The following PKIB variants were observed in gnomAD, a reference collection of about 807,000 sequenced individuals.
PKIB encodes the protein cAMP-dependent protein kinase inhibitor beta.
Under a neutral mutation model 4.5 loss-of-function variants are expected in PKIB, and 2 were observed. The ratio of observed to expected loss-of-function variants is 0.44; its 90% confidence interval spans 0.18 to 1.39. The LOEUF (loss-of-function observed/expected upper bound fraction) is 1.39, where lower values mean the gene tolerates loss of function less well. PKIB is among the 40% of genes most tolerant of loss of function. The pLI is 0.27. For missense variants in PKIB, 94 were observed against 92.6 expected (o/e 1.02, Z -0.06); for synonymous variants, 38 against 36.0 (o/e 1.06, Z -0.20).
At chr6:122,599,416 G>A (rs545532375) in intron 3 of PKIB, among the ~76,000 whole-genome samples, 37 of 152,282 alleles carry the variant, frequency 2.4e-4, no homozygotes, top group African/African-American at 7.7e-4. Context: ...CACCTGGTGA[G>A]GCTGTGCATG....
At position 122,561,988 on chromosome 6, in the gene PKIB, G is replaced by GTTTGTGTTTTTTTTT. The variant is rs1554220234; in HGVS notation, c.-247-23930_-247-23929insGTGTTTTTTTTTTTT. The stretch of plus-strand genomic sequence containing the variant: ...TTGCCTGCATAGTTTTTTTTTGTTT[G>GTTTGTGTTTTTTTTT]TTTTTGTTTTTTTTTGTTTTTTTTT... On this transcript the variant is annotated intron_variant, in intron 2 of 6. Coordinates refer to the PKIB transcript ENST00000392491. Among the ~76,000 whole-genome samples the GTTTGTGTTTTTTTTT allele has an allele frequency of 7.4e-4, 18 of 24,270 alleles. 2 individuals carry two copies. Among genetic ancestry groups the GTTTGTGTTTTTTTTT allele is most frequent in the East Asian group, 6.9e-3 (4 of 580 alleles). The allele number at this position is 24,270 out of a possible 152,430, so 15.9% of individuals were successfully genotyped here.
At chr6:122,512,754 T>G (rs564063676) in intron 2 of PKIB, among the ~76,000 whole-genome samples, 1 of 152,292 alleles carries the variant, frequency 6.6e-6, no homozygotes, top group East Asian at 1.9e-4. Context: ...CATTTAAAAT[T>G]AGAAAATGAA....
intron 2 of PKIB, among the ~76,000 whole-genome samples, chr6:122,534,723 C>T (rs1167753411): frequency 6.6e-6 from 1 of 152,100 alleles, no homozygotes; most frequent in Non-Finnish European, 1.5e-5. Flanking sequence ...CCACTGAGCT[C>T]AAGTGATCCT....
At chr6:122,520,981 C>T (rs566197442) in intron 2 of PKIB, among the ~76,000 whole-genome samples, 6 of 152,218 alleles carry the variant, frequency 3.9e-5, no homozygotes, top group African/African-American at 1.2e-4. Flanking sequence ...GTGAGTATGA[C>T]GGATGAGGCA....
chr6:122,719,993 C>A (rs948368712), intron 4 of PKIB, among the ~76,000 whole-genome samples: 5 of 152,072 alleles, frequency 3.3e-5, no homozygotes, highest in Non-Finnish European at 5.9e-5. Flanking sequence ...AGTTTGAAGG[C>A]TTATTTTTTT....
In PKIB at chr6:122,575,457, A is replaced by C. The variant is rs182676037; in HGVS notation, c.-247-10464A>C. On this transcript the variant is annotated intron_variant, in intron 2 of 6. Transcript: ENST00000392491. ...AGTAAGTCATTATATGAAAAAAAAA[A>C]CATGCACACTCATGTTTAAAGCAGC... Among the ~76,000 whole-genome samples, 764 of 152,266 alleles carry C rather than the reference A, an allele frequency of 5.0e-3. 6 individuals are homozygous for C. Among genetic ancestry groups the C allele is most frequent in the African/African-American group, 0.017 (712 of 41,540 alleles).
intron 2 of PKIB, among the ~76,000 whole-genome samples, chr6:122,511,058 G>A (rs1776571130): frequency 6.6e-6 from 1 of 152,136 alleles, no homozygotes; most frequent in African/African-American, 2.4e-5. Context: ...CTTAGTAGAC[G>A]TGGTTCAGGG....
intron 1 of PKIB, among the ~76,000 whole-genome samples, chr6:122,475,103 G>A (rs986692833): frequency 2.0e-5 from 3 of 151,744 alleles, no homozygotes; most frequent in African/African-American, 7.3e-5. Flanking sequence ...GCCTGATCTC[G>A]GCTCACTGCA....
At chr6:122,703,937 TATATAGAGAGAGAGAGAG>T (rs1778943297) in intron 3 of PKIB, among the ~76,000 whole-genome samples, 1 of 130,384 alleles carries the variant, frequency 7.7e-6, no homozygotes, top group African/African-American at 2.9e-5. Flanking sequence ...TATATATATA[TATATAGAGAGAGAGAGAG>T]AGAGAGAGAG....
At chr6:122,650,081 C>T (rs1207364962) in intron 2 of PKIB, among the ~76,000 whole-genome samples, 1 of 152,122 alleles carries the variant, frequency 6.6e-6, no homozygotes, top group Non-Finnish European at 1.5e-5. Context: ...GAATAAGTTG[C>T]TTCTAAAATC....
chr6:122,597,005 G>T (rs1218762330), intron 3 of PKIB, among the ~76,000 whole-genome samples: 3 of 152,294 alleles, frequency 2.0e-5, no homozygotes, highest in Middle Eastern at 6.8e-3. Flanking sequence ...TTTGGGAGGG[G>T]CCAAATGCAG....
intron 2 of PKIB, among the ~76,000 whole-genome samples, chr6:122,521,698 A>C (rs1022257686): frequency 2.0e-5 from 3 of 152,002 alleles, no homozygotes; most frequent in African/African-American, 7.2e-5. Context: ...TAATAATAAT[A>C]ATAAAAGAAG....
chr6:122,685,960 C>T (rs1778077079), intron 3 of PKIB, among the ~76,000 whole-genome samples: 1 of 152,142 alleles, frequency 6.6e-6, no homozygotes, highest in African/African-American at 2.4e-5. Flanking sequence ...CTTCCAATTC[C>T]ATCCATGTTG....
upstream of PKIB, among the ~76,000 whole-genome samples, chr6:122,608,113 C>A (rs1333006837): frequency 6.6e-6 from 1 of 152,194 alleles, no homozygotes; most frequent in Admixed American, 6.5e-5. Flanking sequence ...CTTTGTACTT[C>A]TAAAACTTCA....
intron 4 of PKIB, among the ~76,000 whole-genome samples, chr6:122,718,765 C>G (rs1011993103): frequency 6.6e-6 from 1 of 152,064 alleles, no homozygotes; most frequent in African/African-American, 2.4e-5. Context: ...GAAGAAGGCT[C>G]TTGGTTCTTT....
chr6:122,562,516 G>A (rs1773066126), intron 2 of PKIB, among the ~76,000 whole-genome samples: 1 of 152,172 alleles, frequency 6.6e-6, no homozygotes, highest in Non-Finnish European at 1.5e-5. Context: ...AGCAAGGCTG[G>A]AGAAGTCTTC....
At chr6:122,585,240 C>T (rs1050272092) in intron 2 of PKIB, among the ~76,000 whole-genome samples, 4 of 152,128 alleles carry the variant, frequency 2.6e-5, no homozygotes, top group African/African-American at 9.7e-5. Context: ...AAGCCAAGAA[C>T]CCTCCTGGGC....
At chr6:122,683,716 C>T (rs557994269) in intron 3 of PKIB, among the ~76,000 whole-genome samples, 3 of 152,262 alleles carry the variant, frequency 2.0e-5, no homozygotes, top group East Asian at 3.9e-4. Context: ...TCAGTTTTTT[C>T]GTAAAGCCTT....
intron 3 of PKIB, among the ~76,000 whole-genome samples, chr6:122,710,649 C>T (rs191832527): frequency 4.7e-4 from 72 of 152,258 alleles, no homozygotes; most frequent in Admixed American, 1.4e-3. Flanking sequence ...TGGAATTAAG[C>T]GCTGCCTCCA....
Sources: allele counts gnomAD v4.1 joint callset (sites outside exome capture counted in the v4.1 genomes callset), GRCh38; gene constraint gnomAD v4.1.1; transcripts MANE v1.5; gene names NCBI Gene and HGNC (gene_info 2026-07-23, HGNC 2026-07-21).